Variants in CAMK1D observed in about 807,000 individuals in gnomAD.
CAMK1D encodes the protein calcium/calmodulin-dependent protein kinase type 1D.
CAMK1D carries 9 observed loss-of-function variants against 47.7 expected under a neutral mutation model. The ratio of observed to expected loss-of-function variants is 0.19; its 90% confidence interval spans 0.11 to 0.33. The LOEUF (loss-of-function observed/expected upper bound fraction) is 0.33, where lower values mean the gene tolerates loss of function less well. Ranked by LOEUF, CAMK1D falls within the 10% of genes least tolerant of loss-of-function variation. The pLI, the probability that CAMK1D is intolerant of heterozygous loss-of-function variation, is 1.00. For synonymous variants in CAMK1D, 184 were observed against 184.9 expected (o/e 0.99, Z 0.04); for missense variants, 291 against 488.7 (o/e 0.60, Z 3.81).
At chr10:12,623,553 A>T (rs911954373) in intron 2 of CAMK1D, among the ~76,000 whole-genome samples, 1 of 114,922 alleles carries the variant, frequency 8.7e-6, no homozygotes, top group East Asian at 2.5e-4. Context: ...CTTTTTCCAC[A>T]TTTATCGGAC....
At chr10:12,366,625 C>G (rs1055029143) in intron 1 of CAMK1D, among the ~76,000 whole-genome samples, 2 of 151,940 alleles carry the variant, frequency 1.3e-5, no homozygotes, top group African/African-American at 4.8e-5. Context: ...CGTGACTGCA[C>G]TCCAGCCTGG....
intron 10 of CAMK1D, among the ~76,000 whole-genome samples, chr10:12,828,523 C>G (rs1162011302): frequency 6.6e-6 from 1 of 152,138 alleles, no homozygotes; most frequent in African/African-American, 2.4e-5. Context: ...CCCCTGTAAT[C>G]CCAGCTACTC....
At chr10:12,559,124 A>C (rs964636528) in intron 2 of CAMK1D, among the ~76,000 whole-genome samples, 3 of 152,100 alleles carry the variant, frequency 2.0e-5, no homozygotes, top group African/African-American at 7.2e-5. Flanking sequence ...CCTGGGCATC[A>C]TAGTGAGACT....
At chr10:12,802,327 A>G (rs1193362723) in intron 6 of CAMK1D, among the ~76,000 whole-genome samples, 1 of 152,116 alleles carries the variant, frequency 6.6e-6, no homozygotes, top group Non-Finnish European at 1.5e-5. Flanking sequence ...ATGGGAGCAT[A>G]GCGCTGAAAA....
At chr10:12,469,125 G>C (rs1833676675) in intron 1 of CAMK1D, among the ~76,000 whole-genome samples, 1 of 152,084 alleles carries the variant, frequency 6.6e-6, no homozygotes, top group South Asian at 2.1e-4. Flanking sequence ...GAGGAGGGGG[G>C]CGGTGCTGTG....
At chr10:12,531,170 G>T (rs1351025359) in intron 1 of CAMK1D, among the ~76,000 whole-genome samples, 2 of 152,124 alleles carry the variant, frequency 1.3e-5, no homozygotes, top group Non-Finnish European at 2.9e-5. Flanking sequence ...GGCAGCATAT[G>T]CCTTCACAGA....
intron 6 of CAMK1D, among the ~76,000 whole-genome samples, chr10:12,797,689 A>G (rs1283097754): frequency 6.6e-6 from 1 of 152,064 alleles, no homozygotes; most frequent in Non-Finnish European, 1.5e-5. Flanking sequence ...GCTGCTTTCC[A>G]AGGGTTTTCA....
chr10:12,630,972 G>A (rs181397597), intron 2 of CAMK1D, among the ~76,000 whole-genome samples: 3 of 152,222 alleles, frequency 2.0e-5, no homozygotes, highest in Non-Finnish European at 2.9e-5. Context: ...ATTATCTTAC[G>A]ACATAAACAC....
chr10:12,739,313 G>T (rs943644781), intron 3 of CAMK1D, among the ~76,000 whole-genome samples: 1 of 151,198 alleles, frequency 6.6e-6, no homozygotes, highest in African/African-American at 2.4e-5. Flanking sequence ...TTGCTCTGTT[G>T]CTCAGGCTGT....
intron 4 of CAMK1D, 45 bp downstream of exon 4, chr10:12,761,131 G>T: frequency 6.3e-7 from 1 of 1,596,866 alleles, no homozygotes; most frequent in Non-Finnish European, 8.6e-7. Context: ...TCTGCAGCCC[G>T]CAATGCACGC....
intron 3 of CAMK1D, among the ~76,000 whole-genome samples, chr10:12,703,901 A>G (rs1833628861): frequency 6.6e-6 from 1 of 152,154 alleles, no homozygotes; most frequent in South Asian, 2.1e-4. Flanking sequence ...TTTGAGTTCA[A>G]TAAAGGAGAA....
intron 2 of CAMK1D, among the ~76,000 whole-genome samples, chr10:12,595,342 G>GAAAAACAAAAAAAAAA (rs1838113589): frequency 4.2e-5 from 1 of 23,554 alleles, no homozygotes; most frequent in Non-Finnish European, 7.0e-5. Context: ...AACTCCATCT[G>GAAAAACAAAAAAAAAA]AAAAAAAAAA....
intron 1 of CAMK1D, among the ~76,000 whole-genome samples, chr10:12,419,639 T>TGC (rs1214632298): frequency 3.3e-5 from 3 of 90,296 alleles, no homozygotes; most frequent in Admixed American, 1.1e-4. Flanking sequence ...GAAGAGAAAA[T>TGC]GCACACACAC....
intron 3 of CAMK1D, among the ~76,000 whole-genome samples, chr10:12,679,489 A>G (rs1006388847): frequency 7.9e-5 from 12 of 152,190 alleles, no homozygotes; most frequent in Non-Finnish European, 1.6e-4. Flanking sequence ...TGGGGCTTAT[A>G]AAAAGAGCAC....
At chr10:12,786,495 C>A (rs1215531311) in intron 5 of CAMK1D, among the ~76,000 whole-genome samples, 1 of 152,264 alleles carries the variant, frequency 6.6e-6, no homozygotes, top group East Asian at 1.9e-4. Flanking sequence ...TAGAACTTTT[C>A]CCCCATAACA....
rs376652030 is a variant in CAMK1D at position 12,702,095 on chromosome 10, G to C, written c.299+35285G>C. On this transcript the variant is annotated intron_variant, in intron 3 of 10. Transcript: ENST00000619168. Reference sequence around the variant, plus strand: ...TGGACGCACAGGGCAGGGAGTGGGGGTGCTGGAAATGTATGCCTAGGCTGG... The same window carrying C: ...TGGACGCACAGGGCAGGGAGTGGGGCTGCTGGAAATGTATGCCTAGGCTGG... Among the ~76,000 whole-genome samples, 599 of 152,326 alleles carry C rather than the reference G, an allele frequency of 3.9e-3. 7 individuals are homozygous for C. Among genetic ancestry groups the C allele is most frequent in the African/African-American group, 0.013 (553 of 41,566 alleles).
chr10:12,573,950 G>T lies in CAMK1D; in HGVS notation c.224+20594G>T, dbSNP rs190935221. ...CTTGACGTCCCAAGGTGCTGGGATC[G>T]CAGGTGTGAGCCACTGCACTTGGCA... On this transcript the variant is annotated intron_variant, in intron 2 of 10. Coordinates refer to ENST00000619168, the MANE Select transcript of CAMK1D (RefSeq NM_153498.4). Among the ~76,000 whole-genome samples, 9 of 146,336 alleles carry T rather than the reference G, an allele frequency of 6.2e-5. No individual in the cohort carries two copies. In the Admixed American group the frequency reaches 6.5e-4, roughly 11 times the overall value.
chr10:12,697,371 G>A (rs1005055155), intron 3 of CAMK1D, among the ~76,000 whole-genome samples: 5 of 152,156 alleles, frequency 3.3e-5, no homozygotes, highest in Admixed American at 2.0e-4. Flanking sequence ...AACTGGAGCA[G>A]CAGCGTCGCT....
chr10:12,439,206 T>G (rs1299858940), intron 1 of CAMK1D, among the ~76,000 whole-genome samples: 1 of 152,170 alleles, frequency 6.6e-6, no homozygotes, highest in Non-Finnish European at 1.5e-5. Context: ...TTTTCATAAC[T>G]CATATTCGAA....
Sources: allele counts gnomAD v4.1 joint callset (sites outside exome capture counted in the v4.1 genomes callset), GRCh38; gene constraint gnomAD v4.1.1; transcripts MANE v1.5; gene names NCBI Gene and HGNC (gene_info 2026-07-23, HGNC 2026-07-21).